The following ABCC9 variants were observed in gnomAD, a reference collection of about 807,000 sequenced individuals.
ABCC9 encodes ATP binding cassette subfamily C member 9.
A neutral mutation model predicts 188.3 loss-of-function variants in ABCC9; 95 were observed. The ratio of observed to expected loss-of-function variants is 0.50; its 90% confidence interval spans 0.43 to 0.60. The LOEUF (loss-of-function observed/expected upper bound fraction) is 0.60. Ranked by LOEUF, ABCC9 falls within the 20% of genes least tolerant of loss-of-function variation. ABCC9 has a pLI of 0.00. For missense variants in ABCC9, 1,102 were observed against 1,876.3 expected (o/e 0.59, Z 7.62); for synonymous variants, 659 against 652.7 (o/e 1.01, Z -0.15).
At chr12:21,865,173 G>C (rs373313920) in intron 18 of ABCC9, among the ~76,000 whole-genome samples, 1 of 151,950 alleles carries the variant, frequency 6.6e-6, no homozygotes, top group Admixed American at 6.6e-5. Context: ...CATTACAGAC[G>C]TGAATTCAAT....
chr12:21,882,985 A>T (rs1946695336), intron 15 of ABCC9, 112 bp from the exon 16 acceptor site: 4 of 818,656 alleles, frequency 4.9e-6, no homozygotes, highest in Non-Finnish European at 8.3e-6. Flanking sequence ...AGTGGATGTT[A>T]TATTTTAATT....
chr12:21,836,771 A>C (rs190698511), intron 30 of ABCC9, among the ~76,000 whole-genome samples: 36 of 152,324 alleles, frequency 2.4e-4, no homozygotes, highest in East Asian at 1.9e-3. Context: ...ACAACAACAA[A>C]AAAAAGAAAA....
At chr12:21,900,441 C>T (rs900848134) in intron 12 of ABCC9, among the ~76,000 whole-genome samples, 11 of 152,236 alleles carry the variant, frequency 7.2e-5, no homozygotes, top group Admixed American at 1.3e-4. Context: ...TCACCAGCAA[C>T]GGAACAAAGC....
intron 18 of ABCC9, among the ~76,000 whole-genome samples, chr12:21,869,394 A>G (rs868751388): frequency 5.3e-5 from 8 of 152,132 alleles, no homozygotes; most frequent in African/African-American, 1.9e-4. Flanking sequence ...GGTTTCCCGC[A>G]CTTTCCCTCT....
intron 30 of ABCC9, among the ~76,000 whole-genome samples, chr12:21,836,809 A>G (rs1001084479): frequency 6.6e-5 from 10 of 152,206 alleles, no homozygotes; most frequent in African/African-American, 2.4e-4. Flanking sequence ...TAGGGCTTAC[A>G]TTCCAGTTGG....
intron 15 of ABCC9, among the ~76,000 whole-genome samples, chr12:21,884,785 A>AGC (rs2137669587): frequency 6.6e-6 from 1 of 151,984 alleles, no homozygotes; most frequent in East Asian, 1.9e-4. Context: ...TTTGACTTAG[A>AGC]GAGGAGGAGA....
chr12:21,877,487 G>A (rs1212534622), intron 16 of ABCC9, among the ~76,000 whole-genome samples: 2 of 152,162 alleles, frequency 1.3e-5, no homozygotes, highest in Non-Finnish European at 2.9e-5. Context: ...GGCTGGGGCT[G>A]TCATTATGGT....
intron 22 of ABCC9, among the ~76,000 whole-genome samples, chr12:21,855,941 C>T (rs958735367): frequency 2.0e-5 from 3 of 152,144 alleles, no homozygotes; most frequent in African/African-American, 7.2e-5. Flanking sequence ...TTCACTGTTA[C>T]TATCTGTGTG....
chr12:21,804,443 T>C (rs1941702602), intron 39 of ABCC9, among the ~76,000 whole-genome samples: 1 of 152,212 alleles, frequency 6.6e-6, no homozygotes, highest in Non-Finnish European at 1.5e-5. Flanking sequence ...GTTCTCTCTC[T>C]TCCAAAATAT....
intron 14 of ABCC9, among the ~76,000 whole-genome samples, chr12:21,888,273 C>G (rs1002203882): frequency 5.9e-5 from 9 of 152,044 alleles, no homozygotes; most frequent in Admixed American, 5.9e-4. Flanking sequence ...GAACTTGGAA[C>G]AGGGTGGTTA....
chr12:21,845,037 G>C, intron 26 of ABCC9, 122 bp from the exon 27 acceptor site: 2 of 1,286,606 alleles, frequency 1.6e-6, no homozygotes, highest in Non-Finnish European at 2.2e-6. Context: ...GCATTTAGAC[G>C]GTTGAAGGAA....
intron 16 of ABCC9, among the ~76,000 whole-genome samples, chr12:21,882,470 G>T (rs1349887855): frequency 6.6e-6 from 1 of 152,058 alleles, no homozygotes; most frequent in African/African-American, 2.4e-5. Flanking sequence ...AATTTATTTG[G>T]TTGATAAACA....
chr12:21,801,227 C>G, intron 39 of ABCC9, 46 bp from the exon 40 acceptor site: 1 of 1,609,874 alleles, frequency 6.2e-7, no homozygotes, highest in Non-Finnish European at 8.5e-7. Flanking sequence ...TTTCAGGGCA[C>G]ACGCCAAAAC....
intron 15 of ABCC9, among the ~76,000 whole-genome samples, chr12:21,884,343 G>T (rs553448813): frequency 2.0e-4 from 31 of 152,094 alleles, no homozygotes; most frequent in Non-Finnish European, 1.8e-4. Context: ...GAAGTGCTGG[G>T]ACTATAGGTA....
rs761653519 is a variant in ABCC9, at chr12:21,933,817, A to G, written c.249T>C (p.His83=). ...CAATGCCTTCTGCTATTTCACAGAC[A>G]TGCACAAACAGGAGAGCGAATGTAA... ...WILTFALLFV[H]VCEIAEGIVS... The change falls in exon 4 of 40, where the codon CAT becomes CAC. Residue 83 remains histidine (H), a synonymous_variant. Coordinates refer to ENST00000261200, the MANE Select transcript of ABCC9 (RefSeq NM_020297.4). The G allele has an allele frequency of 1.9e-6, 3 of 1,613,686 alleles. No homozygotes were observed. Among genetic ancestry groups the G allele is most frequent in the Non-Finnish European group, 2.5e-6 (3 of 1,179,660 alleles).
At chr12:21,901,529 G>A (rs1165943740) in intron 12 of ABCC9, among the ~76,000 whole-genome samples, 1 of 152,198 alleles carries the variant, frequency 6.6e-6, no homozygotes, top group East Asian at 1.9e-4. Flanking sequence ...AAAGAGTCAT[G>A]ACCCATCAGT....
At chr12:21,875,175 C>A (rs1396618965) in intron 17 of ABCC9, among the ~76,000 whole-genome samples, 1 of 152,144 alleles carries the variant, frequency 6.6e-6, no homozygotes, top group African/African-American at 2.4e-5. Context: ...TACACATATG[C>A]TCAAACTCAT....
chr12:21,852,260 G>C (rs199627982), intron 23 of ABCC9, 38 bp from the exon 24 acceptor site: 1 of 1,613,396 alleles, frequency 6.2e-7, no homozygotes, highest in African/African-American at 1.3e-5. Flanking sequence ...GTGACGAAAA[G>C]CCTTGATTGG....
At chr12:21,875,021 G>A (rs1946270956) in intron 17 of ABCC9, among the ~76,000 whole-genome samples, 1 of 152,106 alleles carries the variant, frequency 6.6e-6, no homozygotes, top group African/African-American at 2.4e-5. Flanking sequence ...ATAGTACTGT[G>A]TACTTTAAAA....
Sources: allele counts gnomAD v4.1 joint callset (sites outside exome capture counted in the v4.1 genomes callset), GRCh38; gene constraint gnomAD v4.1.1; transcripts MANE v1.5; gene names NCBI Gene and HGNC (gene_info 2026-07-23, HGNC 2026-07-21).